The following SPTBN5 variants were observed in gnomAD, a reference collection of about 807,000 sequenced individuals.
SPTBN5 encodes spectrin beta, non-erythrocytic 5.
SPTBN5 carries 513 observed loss-of-function variants against 477.6 expected under a neutral mutation model. The observed-to-expected ratio is 1.07, with a 90% CI of 1.00 to 1.16. The LOEUF is 1.16. SPTBN5 is among the 50% of genes most tolerant of loss of function. SPTBN5 has a pLI of 0.00. For synonymous variants in SPTBN5, 2,169 were observed against 2,011.7 expected (o/e 1.08, Z -2.09); for missense variants, 5,062 against 4,731.8 (o/e 1.07, Z -2.05).
rs764543106 is a variant in SPTBN5, at chr15:41,876,946, C to T, written c.3714G>A (p.Glu1238=). 1 of 1,606,068 alleles carries T rather than the reference C, an allele frequency of 6.2e-7. No individual in the cohort carries two copies. Among genetic ancestry groups the T allele is most frequent in the Non-Finnish European group, 8.5e-7 (1 of 1,177,544 alleles). The change falls in exon 19 of 68, where the codon GAG becomes GAA. Residue 1238 remains glutamate, a splice_region_variant and synonymous_variant. Coordinates refer to ENST00000320955, the MANE Select transcript of SPTBN5 (RefSeq NM_016642.4). ...QAWLHLDNLG[E]DVREALSLLQ... is the part of the protein sequence containing the mutation. The stretch of plus-strand genomic sequence containing the variant: ...GCAGGCTCAGGGCCTCCCTCACGTC[C>T]TCCTGGGAGTGCAGAGACCTGAGGT...
At chr15:41,849,640 G>C (rs2065682175) in intron 67 of SPTBN5, among the ~76,000 whole-genome samples, 3 of 152,198 alleles carry the variant, frequency 2.0e-5, no homozygotes, top group Admixed American at 2.0e-4. Context: ...CTAGAGCCTG[G>C]AGTGAGCCCT....
At position 41,874,873 on chromosome 15, in the gene SPTBN5, T is replaced by A; in HGVS notation, c.4471A>T (p.Ile1491Phe). Reference protein sequence around the residue: ...MAHGMAASPAILEETQKHLRR... With the variant: ...MAHGMAASPAFLEETQKHLRR... ...AGGTGCTTCTGGGTCTCTTCCAGGATGGCCGGGGAGGCGGCCATGCCATGG... is the reference window on the plus strand; with the variant it reads ...AGGTGCTTCTGGGTCTCTTCCAGGAAGGCCGGGGAGGCGGCCATGCCATGG... Residue 1491 changes from isoleucine to phenylalanine, a missense_variant, in exon 23 of 68, where the codon ATC (isoleucine) becomes TTC (phenylalanine). Ile to Phe is a conservative substitution (Grantham distance 21). Coordinates refer to ENST00000320955, the MANE Select transcript of SPTBN5 (RefSeq NM_016642.4). The A allele has an allele frequency of 6.2e-7, 1 of 1,611,160 alleles. No homozygotes were observed. The highest frequency in any genetic ancestry group is 1.7e-5 in the Admixed American group (1 of 59,996).
chr15:41,874,492 G>T lies in SPTBN5; in HGVS notation c.4503-14C>A. The T allele has an allele frequency of 6.3e-7, 1 of 1,590,390 alleles. No individual in the cohort carries two copies. Among genetic ancestry groups the T allele is most frequent in the South Asian group, 1.1e-5 (1 of 88,606 alleles). ...AGAAGCTCCAGCCTAGGAGGAGGAG[G>T]AAGAGATTGGAGAGGTTGGGAACAG... On this transcript the variant is annotated splice_polypyrimidine_tract_variant and intron_variant, in intron 23 of 67. Transcript: ENST00000320955.
At chr15:41,867,271 C>G in intron 35 of SPTBN5, 145 bp from the exon 36 acceptor site, 1 of 1,028,820 alleles carries the variant, frequency 9.7e-7, no homozygotes, top group Non-Finnish European at 1.4e-6. Context: ...CTCCCAGCCA[C>G]AAGCCAGACC....
In SPTBN5 at chr15:41,888,090, C is replaced by T. The variant is rs776459474; in HGVS notation, c.502-5G>A. On this transcript the variant is annotated splice_polypyrimidine_tract_variant and splice_region_variant and intron_variant, in intron 4 of 67. Transcript: ENST00000320955. ...TGCGCTGGCCCCAAACTCCTCCTGG[C>T]GGGACAGGGCAGCAGGGTCACCATG... 29 of 1,563,242 alleles carry T rather than the reference C, an allele frequency of 1.9e-5. No individual in the cohort carries two copies. The highest frequency in any genetic ancestry group is 8.1e-5 in the African/African-American group (6 of 73,778).
At position 41,883,149 on chromosome 15, in the gene SPTBN5, G is replaced by A; in HGVS notation, c.1739C>T (p.Ala580Val). 1 of 1,612,784 alleles carries A rather than the reference G, an allele frequency of 6.2e-7. No individual in the cohort carries two copies. The highest frequency in any genetic ancestry group is 8.5e-7 in the Non-Finnish European group (1 of 1,179,768). ...ELLQRHDLLE[A>V]QVSAHGAHVS... is the part of the protein sequence containing the mutation. ...ATGGGCTCCGTGGGCCGAGACTTGA[G>A]CCTCCAGCAGGTCATGCCTCTGCAG... The change falls in exon 9 of 68, where the codon GCT (alanine) becomes GTT (valine). Residue 580 changes from alanine (A) to valine (V), a missense_variant. Physicochemically the swap from Ala to Val is moderately conservative, Grantham distance 64. Coordinates refer to ENST00000320955, the MANE Select transcript of SPTBN5 (RefSeq NM_016642.4).
rs374974954 is a variant in SPTBN5 at position 41,874,073 on chromosome 15, T to C, written c.4690-28A>G. On this transcript the variant is annotated intron_variant, in intron 24 of 67. Coordinates refer to ENST00000320955, the MANE Select transcript of SPTBN5 (RefSeq NM_016642.4). Reference sequence around the variant, plus strand: ...GCCACAGAGTGGCTTGAGAGGCTGCTGCTCTTAACCCAGGGGCGTCCGGAG... The same window carrying C: ...GCCACAGAGTGGCTTGAGAGGCTGCCGCTCTTAACCCAGGGGCGTCCGGAG... The C allele has an allele frequency of 2.9e-5, 46 of 1,565,730 alleles. No homozygotes were observed. In the African/African-American group the frequency reaches 5.8e-4, roughly 20 times the overall value.
At position 41,854,850 on chromosome 15, in the gene SPTBN5, G is replaced by C. The variant is rs751210213; in HGVS notation, c.9550C>G (p.Gln3184Glu). 1.9e-6 allele frequency: 3 copies of C among 1,607,762 alleles called. No individual in the cohort carries two copies. In the Admixed American group the frequency reaches 5.1e-5, roughly 27 times the overall value. The change falls in exon 56 of 68, where the codon CAA (glutamine) becomes GAA (glutamate). Residue 3184 changes from glutamine to glutamate, a missense_variant. Transcript: ENST00000320955. ...GCCTCAATGCGGCTCCTCTGGGCTT[G>C]GATGTGGGGATAGCGCCTGGGTGCA... is the stretch of plus-strand genomic sequence containing the variant. ...RGAPRRYPHI[Q>E]AQRSRIEAAW...
In SPTBN5 at chr15:41,876,897, G is replaced by A. The variant is rs540422599; in HGVS notation, c.3763C>T (p.Arg1255Trp). 23 of 1,610,194 alleles carry A rather than the reference G, an allele frequency of 1.4e-5. No homozygotes were observed. Among genetic ancestry groups the A allele is most frequent in the African/African-American group, 4.0e-5 (3 of 74,956 alleles). Residue 1255 changes from arginine (R) to tryptophan (W), a missense_variant, in exon 19 of 68, where the codon CGG becomes TGG. By Grantham distance (101) the Arg-to-Trp change is moderately radical. Coordinates refer to ENST00000320955, the MANE Select transcript of SPTBN5 (RefSeq NM_016642.4). ...SLLQQHREFG[R>W]LLSTLGPRAE... ...CGAGGCCCCAGGGTGCTCAGGAGCCGCCCAAACTCCCGGTGCTGCTGCAGC... is the reference window on the plus strand; with the variant it reads ...CGAGGCCCCAGGGTGCTCAGGAGCCACCCAAACTCCCGGTGCTGCTGCAGC...
At position 41,876,809 on chromosome 15, in the gene SPTBN5, G is replaced by C. The variant is rs199853258; in HGVS notation, c.3851C>G (p.Thr1284Arg). The change falls in exon 19 of 68, where the codon ACG (threonine) becomes AGG (arginine). Residue 1284 changes from threonine (T) to arginine (R), a missense_variant and splice_region_variant. Coordinates refer to ENST00000320955, the MANE Select transcript of SPTBN5 (RefSeq NM_016642.4). ...TGCTGCAGACTGAGGCCAGGCTCAC[G>C]TGTGTGCAGCTGGGTGCTGGCTCTG... is the stretch of plus-strand genomic sequence containing the variant. Reference protein sequence around the residue: ...LVQSQHPAAHTVREQLQSIQA... With the variant: ...LVQSQHPAAHRVREQLQSIQA... 853 of 1,610,142 alleles carry C rather than the reference G, an allele frequency of 5.3e-4. No homozygotes were observed. Among genetic ancestry groups the C allele is most frequent in the Non-Finnish European group, 6.8e-4 (803 of 1,179,816 alleles).
In SPTBN5 at chr15:41,850,290, C is replaced by T. The variant is rs1366811620; in HGVS notation, c.10922-331G>A. 2.9e-5 allele frequency: 10 copies of T among 342,302 alleles called. No individual in the cohort carries two copies. The East Asian group carries it at 5.3e-4, about 18-fold the overall frequency. The allele number at this position is 342,302 out of a possible 1,614,324, so 21.2% of individuals were successfully genotyped here. ...CTCTTGGGAGGAGAGTCCAGGGGAA[C>T]CAGCGACAGAGCTAGGATCCCAGAC... On this transcript the variant is annotated intron_variant, in intron 66 of 67. Transcript: ENST00000320955.
Position 41,867,050 on chromosome 15 carries a change from C to T in SPTBN5, c.6389G>A (p.Arg2130His), listed in dbSNP as rs577117420. 8.1e-4 allele frequency: 1,263 copies of T among 1,552,010 alleles called. 5 individuals are homozygous for T. Among genetic ancestry groups the T allele is most frequent in the South Asian group, 5.9e-3 (495 of 84,242 alleles). ...CGCCAGCTCCTTCACTCTCATCCGGCGCTGCAGCAGGATGGGAAGCCGGTC... is the reference window on the plus strand; with the variant it reads ...CGCCAGCTCCTTCACTCTCATCCGGTGCTGCAGCAGGATGGGAAGCCGGTC... Reference protein sequence around the residue: ...VRDRLPILLQRRMRVKELAES... With the variant: ...VRDRLPILLQHRMRVKELAES... Residue 2130 changes from arginine (R) to histidine (H), a missense_variant, in exon 36 of 68, where the codon CGC (arginine) becomes CAC (histidine). By Grantham distance (29) the Arg-to-His change is conservative. Coordinates refer to ENST00000320955, the MANE Select transcript of SPTBN5 (RefSeq NM_016642.4).
chr15:41,853,052 G>A, intron 59 of SPTBN5, 52 bp from the exon 60 acceptor site: 1 of 1,459,974 alleles, frequency 6.8e-7, no homozygotes, highest in Non-Finnish European at 9.1e-7. Flanking sequence ...CTCCCACCAT[G>A]GGCAGGGCAG....
intron 3 of SPTBN5, among the ~76,000 whole-genome samples, chr15:41,892,521 A>G (rs1021855398): frequency 2.0e-5 from 3 of 152,168 alleles, no homozygotes; most frequent in Non-Finnish European, 2.9e-5. Context: ...TGGCTGGTTA[A>G]CCATCGATCT....
rs1248998269 is a variant in SPTBN5, at chr15:41,851,317, A to G, written c.10709T>C (p.Leu3570Pro). The change falls in exon 64 of 68, where the codon CTG becomes CCG. Residue 3570 changes from leucine (L) to proline (P), a missense_variant. Physicochemically the swap from Leu to Pro is moderately conservative, Grantham distance 98 (BLOSUM62 -3). Transcript: ENST00000320955. Reference protein sequence around the residue: ...SCRGNLQGSSLSLFLDERMAA... With the variant: ...SCRGNLQGSSPSLFLDERMAA... Reference sequence around the variant, plus strand: ...CATCCTCTCATCCAGGAACAGGCTCAGAGAGCTGCCCTGCAAGTTCCCGCG... The same window carrying G: ...CATCCTCTCATCCAGGAACAGGCTCGGAGAGCTGCCCTGCAAGTTCCCGCG... The G allele has an allele frequency of 6.4e-7, 1 of 1,551,156 alleles. No homozygotes were observed. The highest frequency in any genetic ancestry group is 2.0e-5 in the Admixed American group (1 of 51,002).
rs2066139117 is a variant in SPTBN5, at chr15:41,862,306, T to C, written c.7386-14A>G. The C allele has an allele frequency of 6.3e-7, 1 of 1,579,940 alleles. No individual in the cohort carries two copies. Among genetic ancestry groups the C allele is most frequent in the African/African-American group, 1.3e-5 (1 of 74,256 alleles). On this transcript the variant is annotated splice_polypyrimidine_tract_variant and intron_variant, in intron 43 of 67. Coordinates refer to ENST00000320955, the MANE Select transcript of SPTBN5 (RefSeq NM_016642.4). The stretch of plus-strand genomic sequence containing the variant: ...AGCGCCTCCCTCCTGCCCACAGCGC[T>C]CATCAGCTAGTCGTCAGGCCTTCAA...
chr15:41,850,578 T>G (rs2065719464), intron 66 of SPTBN5: 2 of 470,774 alleles, frequency 4.2e-6, no homozygotes, highest in African/African-American at 1.9e-5. Context: ...CTTGGGGCAG[T>G]CTGAGTGGCA....
chr15:41,873,715 A>C, intron 25 of SPTBN5, 107 bp from the exon 26 acceptor site: 1 of 1,449,130 alleles, frequency 6.9e-7, no homozygotes, highest in South Asian at 1.2e-5. Context: ...TTCTGTGCCC[A>C]TAGGGGCACC....
intron 64 of SPTBN5, 56 bp downstream of exon 64, chr15:41,851,227 C>G (rs1016909202): frequency 1.9e-6 from 3 of 1,561,534 alleles, no homozygotes; most frequent in African/African-American, 2.7e-5. Context: ...CCTGGGGCCC[C>G]TCTGCCTTGC....
Sources: allele counts gnomAD v4.1 joint callset (sites outside exome capture counted in the v4.1 genomes callset), GRCh38; gene constraint gnomAD v4.1.1; transcripts MANE v1.5; gene names NCBI Gene and HGNC (gene_info 2026-07-23, HGNC 2026-07-21).